NUMA1: variants seen among roughly 807,000 people sequenced by gnomAD.
The protein encoded by NUMA1 is nuclear mitotic apparatus protein 1.
A neutral mutation model predicts 237.1 loss-of-function variants in NUMA1; 62 were observed. That is an observed-to-expected ratio of 0.26 (90% confidence interval 0.21 to 0.32). The LOEUF (loss-of-function observed/expected upper bound fraction) is 0.32. NUMA1 is among the 10% of genes least tolerant of loss of function. The probability of loss-of-function intolerance (pLI) is 1.00; values close to 1 mark genes in which losing one functional copy is unlikely to be tolerated. For missense variants in NUMA1, 2,533 were observed against 2,666.5 expected, an observed-to-expected ratio of 0.95 and a Z score of 1.10; for synonymous variants, 1,028 against 1,066.1, an observed-to-expected ratio of 0.96 and a Z score of 0.70.
chr11:72,052,122 A>G (rs1217090349), intron 2 of NUMA1, among the ~76,000 whole-genome samples: 5 of 152,228 alleles, frequency 3.3e-5, no homozygotes, highest in Admixed American at 3.3e-4. Context: ...TGGCTCTGAA[A>G]GGCATTACAG....
intron 21 of NUMA1, 143 bp downstream of exon 21, chr11:72,007,046 C>CTT: frequency 1.0e-6 from 1 of 997,922 alleles, no homozygotes; most frequent in Non-Finnish European, 1.4e-6. Context: ...AGTCACTGCC[C>CTT]TTTTTAAGAC....
rs1937709132 is a variant in NUMA1 at position 72,016,195 on chromosome 11, T to C, written c.1308A>G (p.Val436=). The C allele has an allele frequency of 6.2e-7, 1 of 1,610,928 alleles. No homozygotes were observed. The highest frequency in any genetic ancestry group is 1.3e-5 in the African/African-American group (1 of 74,880). The part of the protein sequence containing the change: ...AANNTQLQAR[V]EMLETERGQQ... ...GGCCTCGCTCAGTCTCCAGCATCTC[T>C]ACCCTGGCTTGGAGCTGTGTGTTGT... The change falls in exon 15 of 27, where the codon GTA becomes GTG. Residue 436 remains valine, a synonymous_variant. Coordinates refer to ENST00000393695, the MANE Select transcript of NUMA1 (RefSeq NM_006185.4).
At chr11:72,039,201 T>C (rs148775014) in intron 2 of NUMA1, among the ~76,000 whole-genome samples, 3 of 152,378 alleles carry the variant, frequency 2.0e-5, no homozygotes, top group Admixed American at 6.5e-5. Context: ...CTACCAGGGC[T>C]GAGGCTAATG....
intron 1 of NUMA1, among the ~76,000 whole-genome samples, chr11:72,079,103 C>T (rs1271034406): frequency 6.6e-6 from 1 of 152,204 alleles, no homozygotes; most frequent in Admixed American, 6.5e-5. Flanking sequence ...AAGCGAAATT[C>T]CTGTGCCCTT....
rs991428168 is a variant in NUMA1 at position 72,069,915 on chromosome 11, G to A, written c.-102-4C>T. ...CTGGCTTAGAATTAGTTTCCACCTA[G>A]GGAAGGGGCAAAGGGACAGGAATGA... On this transcript the variant is annotated splice_region_variant and splice_polypyrimidine_tract_variant and intron_variant, in intron 1 of 26. Coordinates refer to ENST00000393695, the MANE Select transcript of NUMA1 (RefSeq NM_006185.4). 2.0e-5 allele frequency: 3 copies of A among 152,210 alleles called. No individual in the cohort carries two copies. Among genetic ancestry groups the A allele is most frequent in the African/African-American group, 7.2e-5 (3 of 41,442 alleles). 9.4% of individuals were successfully genotyped at this position (152,210 alleles called of 1,614,324 possible).
rs923189488 is a variant in NUMA1 at position 72,003,366 on chromosome 11, C to G, written c.*161G>C. The G allele has an allele frequency of 9.0e-5, 65 of 720,064 alleles. No homozygotes were observed. The Admixed American group carries it at 1.3e-3, about 14-fold the overall frequency. 44.6% of individuals were successfully genotyped at this position (720,064 alleles called of 1,614,324 possible). A position where few individuals can be genotyped will look rare whatever the true frequency, so the allele number is the denominator to read the frequency against. Reference sequence around the variant, plus strand: ...GCTCCGAGAAGGCGCCAGTGAAGGACCAGGGACCAGGCCAGGGTGCGGGCA... The same window carrying G: ...GCTCCGAGAAGGCGCCAGTGAAGGAGCAGGGACCAGGCCAGGGTGCGGGCA... On this transcript the variant is annotated 3_prime_UTR_variant, in exon 27 of 27. Transcript: ENST00000393695.
At chr11:72,008,924 C>T in intron 19 of NUMA1, 43 bp downstream of exon 19, 6 of 1,612,358 alleles carry the variant, frequency 3.7e-6, no homozygotes, top group Non-Finnish European at 5.1e-6. Flanking sequence ...CACAGGGGTC[C>T]AGTGGAATAG....
At chr11:72,018,562 G>A (rs756513603) in intron 10 of NUMA1, 49 bp from the exon 11 acceptor site, 1 of 1,496,312 alleles carries the variant, frequency 6.7e-7, no homozygotes. Flanking sequence ...CTATGTGCAT[G>A]AGCGGAACTA....
At chr11:72,011,084 C>T (rs867310829) in intron 16 of NUMA1, among the ~76,000 whole-genome samples, 2 of 152,176 alleles carry the variant, frequency 1.3e-5, no homozygotes, top group South Asian at 2.1e-4. Context: ...ACTGTTCTTG[C>T]GTCTACCCTG....
At position 72,022,321 on chromosome 11, in the gene NUMA1, G is replaced by A. The variant is rs753605363; in HGVS notation, c.372+18C>T. On this transcript the variant is annotated intron_variant, in intron 7 of 26. Coordinates refer to ENST00000393695, the MANE Select transcript of NUMA1 (RefSeq NM_006185.4). ...ATGGGCTAGGCCTGCTAGGTGGCAT[G>A]GAGGCACAAGGGCTTACCTGAATTT... 1.9e-6 allele frequency: 3 copies of A among 1,580,448 alleles called. No homozygotes were observed. In the Admixed American group the frequency reaches 5.1e-5, roughly 27 times the overall value.
chr11:72,013,588 C>G lies in NUMA1; in HGVS notation c.3915G>C (p.Arg1305=). The part of the protein sequence containing the change: ...QSLREEAEKQ[R]VASENLRQEL... ...CCTGCCGCAGGTTCTCTGAAGCCAC[C>G]CGCTGTTTCTCAGCCTCCTCCCGGA... Residue 1305 remains arginine (R), a synonymous_variant, in exon 15 of 27, where the codon CGG becomes CGC. Coordinates refer to ENST00000393695, the MANE Select transcript of NUMA1 (RefSeq NM_006185.4). The surrounding 1 kb of genome is among the most constrained non-coding windows in gnomAD (Gnocchi z 6.8). The G allele has an allele frequency of 6.2e-7, 1 of 1,612,824 alleles. No individual in the cohort carries two copies. Among genetic ancestry groups the G allele is most frequent in the Non-Finnish European group, 8.5e-7 (1 of 1,180,012 alleles).
chr11:72,004,239 C>T lies in NUMA1; in HGVS notation c.6109G>A (p.Ala2037Thr), dbSNP rs764513055. The change falls in exon 25 of 27, where the codon GCT (alanine) becomes ACT (threonine). Residue 2037 changes from alanine to threonine, a missense_variant. This residue lies in a region of NUMA1 where 795 missense variants were observed against 750.8 expected (regional missense o/e 1.06). Transcript: ENST00000393695. ...CCCAGCCTCACCTGTTTAGTAGAAG[C>T]TGGAGCTGCTTTCTTCTGGGCCTCA... is the stretch of plus-strand genomic sequence containing the variant. Reference protein sequence around the residue: ...TTEAQKKAAPASTKQADRRQS... With the variant: ...TTEAQKKAAPTSTKQADRRQS... The T allele has an allele frequency of 1.2e-6, 2 of 1,611,574 alleles. No individual in the cohort carries two copies.
At position 72,004,706 on chromosome 11, in the gene NUMA1, G is replaced by A. The variant is rs1305351499; in HGVS notation, c.5940C>T (p.Gly1980=). The A allele has an allele frequency of 1.9e-6, 3 of 1,613,902 alleles. No individual in the cohort carries two copies. The South Asian group carries it at 3.3e-5, about 18-fold the overall frequency. The change falls in exon 24 of 27, where the codon GGC becomes GGT. Residue 1980 remains glycine (G), a synonymous_variant. Transcript: ENST00000393695. ...GTTTGCGCTGCTGCCGGGTGGTGAT[G>A]CCAGTGCCCTCGGCTATCTGGATTG... ...MQPIQIAEGT[G]ITTRQQRKRV... is the part of the protein sequence containing the mutation.
At chr11:72,069,277 C>T (rs1233594635) in intron 2 of NUMA1, among the ~76,000 whole-genome samples, 1 of 152,172 alleles carries the variant, frequency 6.6e-6, no homozygotes, top group African/African-American at 2.4e-5. Flanking sequence ...TCCCTTTTTA[C>T]ATATGAGAAA....
In NUMA1 at chr11:72,019,532, T is replaced by C; in HGVS notation, c.546A>G (p.Leu182=). Residue 182 remains leucine (L), a synonymous_variant, in exon 9 of 27, where the codon CTA becomes CTG. Coordinates refer to ENST00000393695, the MANE Select transcript of NUMA1 (RefSeq NM_006185.4). The part of the protein sequence containing the change: ...SHQAKREIRF[L]ELQKVASSSS... ...AAGAGGAGGCAACCTTCTGTAGCTC[T>C]AGGAAGCGAATCTCCCTCTTGGCCT... 5 of 1,613,838 alleles carry C rather than the reference T, an allele frequency of 3.1e-6. No individual in the cohort carries two copies. Among genetic ancestry groups the C allele is most frequent in the Non-Finnish European group, 4.2e-6 (5 of 1,179,798 alleles).
chr11:72,061,069 A>C (rs979464425), intron 2 of NUMA1, among the ~76,000 whole-genome samples: 2 of 152,086 alleles, frequency 1.3e-5, no homozygotes, highest in African/African-American at 4.8e-5. Flanking sequence ...CTGTCTAAAA[A>C]AATTTAAAAA....
rs201045195 is a variant in NUMA1, at chr11:72,018,449, C to T, written c.807G>A (p.Ala269=). The T allele has an allele frequency of 2.7e-5, 44 of 1,614,116 alleles. No homozygotes were observed. Among genetic ancestry groups the T allele is most frequent in the Admixed American group, 1.5e-4 (9 of 60,028 alleles). The change falls in exon 11 of 27, where the codon GCG becomes GCA. Residue 269 remains alanine, a synonymous_variant. Transcript: ENST00000393695. ...DRLALLNEKQ[A]ASPLEPKELE... Reference sequence around the variant, plus strand: ...GCTCCTTGGGCTCCAGTGGGCTGGCCGCCTGCTTCTCATTCAGCAGGGCTA... The same window carrying T: ...GCTCCTTGGGCTCCAGTGGGCTGGCTGCCTGCTTCTCATTCAGCAGGGCTA...
At chr11:72,025,341 G>A (rs759111459) in intron 4 of NUMA1, among the ~76,000 whole-genome samples, 4 of 151,884 alleles carry the variant, frequency 2.6e-5, no homozygotes, top group African/African-American at 4.8e-5. Context: ...CAACCCAAGC[G>A]ACAGAGATTA....
Position 72,004,223 on chromosome 11 carries a change from A to G in NUMA1, c.6123+2T>C. ...TTCATCCCCCTTCAGCCCCAGCCTC[A>G]CCTGTTTAGTAGAAGCTGGAGCTGC... On this transcript the variant is annotated splice_donor_variant, in intron 25 of 26. Transcript: ENST00000393695. LOFTEE classifies it high-confidence loss of function. 6.2e-7 allele frequency: 1 copy of G among 1,609,514 alleles called. No homozygotes were observed. The highest frequency in any genetic ancestry group is 8.5e-7 in the Non-Finnish European group (1 of 1,178,278).
Sources: gnomAD v4.1 joint callset for allele counts (sites outside exome capture counted in the v4.1 genomes callset) on GRCh38, gnomAD v4.1.1 for gene constraint, gnomAD v4.1.1 regional missense constraint, Gnocchi (gnomAD v3.1) non-coding constraint, MANE v1.5 for transcripts, NCBI Gene and HGNC (gene_info 2026-07-23, HGNC 2026-07-21) for gene names.